Variants in BMP1 observed in about 807,000 individuals in gnomAD.
BMP1 encodes bone morphogenetic protein 1.
A neutral mutation model predicts 116.8 loss-of-function variants in BMP1; 63 were observed. The observed-to-expected ratio is 0.54, with a 90% CI of 0.44 to 0.67. BMP1 has a LOEUF of 0.67. BMP1 is among the 30% of genes least tolerant of loss of function. The probability of loss-of-function intolerance (pLI) is 0.00; values close to 1 mark genes in which losing one functional copy is unlikely to be tolerated. For missense variants in BMP1, 1,183 were observed against 1,358.9 expected (o/e 0.87, Z 2.04); for synonymous variants, 536 against 533.4 (o/e 1.00, Z -0.07).
chr8:22,189,461 C>CACACAT (rs761868301), intron 8 of BMP1, among the ~76,000 whole-genome samples: 1 of 148,420 alleles, frequency 6.7e-6, no homozygotes, highest in Admixed American at 6.8e-5. Context: ...CACACACACA[C>CACACAT]ATATCTTATA....
intron 15 of BMP1, 95 bp from the exon 16 acceptor site, chr8:22,201,708 T>G: frequency 6.4e-7 from 1 of 1,561,016 alleles, no homozygotes; most frequent in Non-Finnish European, 8.6e-7. Context: ...TCTGTCCCGG[T>G]GGGAGAAAGT....
rs1349275717 is a variant in BMP1, at chr8:22,194,946, C to T, written c.1639+27C>T. The T allele has an allele frequency of 3.2e-6, 5 of 1,577,970 alleles. No individual in the cohort carries two copies. In the East Asian group the frequency reaches 1.1e-4, roughly 35 times the overall value. ...TGCCTCCTCTGTTACTCTCCCCTGC[C>T]CCAAGGTGCCTCGTGACCTTCATCC... On this transcript the variant is annotated intron_variant, in intron 12 of 19. Coordinates refer to ENST00000306385, the MANE Select transcript of BMP1 (RefSeq NM_006129.5). The surrounding 1 kb of genome is among the most constrained non-coding windows in gnomAD (Gnocchi z 4.5).
At position 22,206,914 on chromosome 8, in the gene BMP1, A is replaced by G; in HGVS notation, c.2294A>G (p.Asp765Gly). The G allele has an allele frequency of 6.2e-7, 1 of 1,614,158 alleles. No homozygotes were observed. Among genetic ancestry groups the G allele is most frequent in the Non-Finnish European group, 8.5e-7 (1 of 1,180,012 alleles). Residue 765 changes from aspartate to glycine, a missense_variant, in exon 17 of 20, where the codon GAC becomes GGC. Physicochemically the swap from Asp to Gly is moderately conservative, Grantham distance 94 (BLOSUM62 -1). Coordinates refer to ENST00000306385, the MANE Select transcript of BMP1 (RefSeq NM_006129.5). Reference protein sequence around the residue: ...SGTITSPNWPDKYPSKKECTW... With the variant: ...SGTITSPNWPGKYPSKKECTW... ...ACCATCACCAGCCCCAACTGGCCTG[A>G]CAAGTATCCCAGCAAGAAGGAGTGC...
chr8:22,181,684 C>G (rs1247653837), intron 8 of BMP1, among the ~76,000 whole-genome samples: 1 of 152,086 alleles, frequency 6.6e-6, no homozygotes, highest in Admixed American at 6.5e-5. Flanking sequence ...TCTGGAGTAG[C>G]TGGGACTGCA....
chr8:22,176,462 A>G, intron 3 of BMP1, 71 bp from the exon 4 acceptor site: 7 of 1,576,196 alleles, frequency 4.4e-6, no homozygotes, highest in Non-Finnish European at 4.3e-6. Context: ...AATGGCTGTG[A>G]CTCTTCAGTG....
At chr8:22,191,153 A>G (rs1370636113) in intron 8 of BMP1, among the ~76,000 whole-genome samples, 1 of 152,222 alleles carries the variant, frequency 6.6e-6, no homozygotes, top group East Asian at 1.9e-4. Flanking sequence ...TGAGGTGCTC[A>G]GGACAGACAG....
chr8:22,188,733 C>T (rs1828848622), intron 8 of BMP1, among the ~76,000 whole-genome samples: 1 of 152,208 alleles, frequency 6.6e-6, no homozygotes, highest in Non-Finnish European at 1.5e-5. Flanking sequence ...GCGATGTGAC[C>T]TCTGGTTCCT....
chr8:22,168,674 C>T (rs966826346), intron 1 of BMP1, among the ~76,000 whole-genome samples: 10 of 152,120 alleles, frequency 6.6e-5, no homozygotes, highest in African/African-American at 2.4e-4. Context: ...TAGGGTACAC[C>T]CTCTGAGGTC....
chr8:22,200,311 A>C (rs1429483144), intron 15 of BMP1, among the ~76,000 whole-genome samples: 1 of 152,186 alleles, frequency 6.6e-6, no homozygotes, highest in African/African-American at 2.4e-5. Flanking sequence ...GATGAGCTAC[A>C]TCTCTGCCTT....
At chr8:22,180,603 A>G (rs952630895) in intron 8 of BMP1, 120 bp downstream of exon 8, 77 of 889,780 alleles carry the variant, frequency 8.7e-5, no homozygotes, top group Non-Finnish European at 1.3e-4. Flanking sequence ...CCGTAAATGT[A>G]TCAAGTCCAG....
chr8:22,194,446 C>T lies in BMP1; in HGVS notation c.1299C>T (p.Ala433=), dbSNP rs2131882891. The T allele has an allele frequency of 6.2e-7, 1 of 1,614,032 alleles. No individual in the cohort carries two copies. The highest frequency in any genetic ancestry group is 8.5e-7 in the Non-Finnish European group (1 of 1,179,988). Residue 433 remains alanine (A), a splice_region_variant and synonymous_variant, in exon 11 of 20, where the codon GCC becomes GCT. Coordinates refer to ENST00000306385, the MANE Select transcript of BMP1 (RefSeq NM_006129.5). The surrounding 1 kb of genome is among the most constrained non-coding windows in gnomAD (Gnocchi z 4.5). ...VGKGFFAVYE[A]ICGGDVKKDY... is the part of the protein sequence containing the mutation. ...CCACCCCATCCTGTGTCCCCACAGC[C>T]ATCTGCGGGGGTGATGTGAAAAAGG...
chr8:22,180,236 A>G (rs1336724212), intron 7 of BMP1, 132 bp from the exon 8 acceptor site: 4 of 748,064 alleles, frequency 5.3e-6, no homozygotes, highest in African/African-American at 3.4e-5. Context: ...GGGCAGGACC[A>G]TTGCAGACAC....
chr8:22,182,612 A>T (rs1268263028), intron 8 of BMP1, among the ~76,000 whole-genome samples: 1 of 152,350 alleles, frequency 6.6e-6, no homozygotes, highest in Middle Eastern at 3.4e-3. Context: ...TTTTAAAAGG[A>T]AGACAAATGT....
intron 5 of BMP1, 24 bp downstream of exon 5, chr8:22,177,163 G>A (rs1385842476): frequency 6.4e-7 from 1 of 1,562,474 alleles, no homozygotes; most frequent in Admixed American, 1.8e-5. Flanking sequence ...CCTCGGTGCG[G>A]CCTTGGTGGG....
At chr8:22,202,791 G>A (rs558049037) in intron 16 of BMP1, among the ~76,000 whole-genome samples, 18 of 152,098 alleles carry the variant, frequency 1.2e-4, no homozygotes, top group African/African-American at 3.1e-4. Context: ...GGCAGATTGC[G>A]TCAGCCCAGG....
At chr8:22,209,894 A>G (rs1829431113) in intron 19 of BMP1, among the ~76,000 whole-genome samples, 199 bp downstream of exon 19, 1 of 152,278 alleles carries the variant, frequency 6.6e-6, no homozygotes, top group Admixed American at 6.5e-5. Context: ...TCCCCGACGT[A>G]GGAAACCAAG....
At chr8:22,166,015 G>T (rs911015152) in intron 1 of BMP1, among the ~76,000 whole-genome samples, 4 of 151,184 alleles carry the variant, frequency 2.6e-5, no homozygotes, top group Admixed American at 6.6e-5. Flanking sequence ...CATCTGTCTG[G>T]CTTGGATCTG....
At chr8:22,176,011 G>A in intron 2 of BMP1, 132 bp from the exon 3 acceptor site, 2 of 927,912 alleles carry the variant, frequency 2.2e-6, no homozygotes, top group Non-Finnish European at 3.2e-6. Flanking sequence ...TATTGATTTT[G>A]GGGACTACGA....
chr8:22,167,747 CAGG>C (rs1315058931), intron 1 of BMP1, among the ~76,000 whole-genome samples: 2 of 152,194 alleles, frequency 1.3e-5, no homozygotes, highest in Non-Finnish European at 2.9e-5. Context: ...CTGACAAGGC[CAGG>C]CCTTGGGTCA....
Sources: allele counts gnomAD v4.1 joint callset (sites outside exome capture counted in the v4.1 genomes callset), GRCh38; gene constraint gnomAD v4.1.1; non-coding constraint Gnocchi (gnomAD v3.1); transcripts MANE v1.5; gene names NCBI Gene and HGNC (gene_info 2026-07-23, HGNC 2026-07-21).